Variants in CNKSR3 observed in about 807,000 individuals in gnomAD.
The protein encoded by CNKSR3 is connector enhancer of kinase suppressor of ras 3.
CNKSR3 carries 36 observed loss-of-function variants against 67.7 expected under a neutral mutation model. The ratio of observed to expected loss-of-function variants is 0.53; its 90% CI spans 0.41 to 0.70. The LOEUF is 0.70. CNKSR3 is among the 30% of genes least tolerant of loss of function. The probability of loss-of-function intolerance (pLI) is 0.00; values close to 1 mark genes in which losing one functional copy is unlikely to be tolerated. For synonymous variants in CNKSR3, 281 were observed against 271.4 expected (o/e 1.04, Z -0.35); for missense variants, 630 against 695.2 (o/e 0.91, Z 1.05).
intron 1 of CNKSR3, among the ~76,000 whole-genome samples, chr6:154,502,588 T>C (rs888440906): frequency 6.6e-6 from 1 of 152,136 alleles, no homozygotes; most frequent in Admixed American, 6.6e-5. Context: ...CAGAAGCCTG[T>C]GAGGCCTGGT....
intron 1 of CNKSR3, among the ~76,000 whole-genome samples, chr6:154,479,180 A>G (rs1786515131): frequency 6.6e-6 from 1 of 151,948 alleles, no homozygotes; most frequent in Non-Finnish European, 1.5e-5. Context: ...GCCAGGACTC[A>G]AGACAAATGG....
chr6:154,493,894 C>G (rs1786828844), intron 1 of CNKSR3, among the ~76,000 whole-genome samples: 1 of 152,154 alleles, frequency 6.6e-6, no homozygotes, highest in East Asian at 1.9e-4. Flanking sequence ...CCTCCTCCAA[C>G]ATTAAGGATC....
In CNKSR3 at chr6:154,387,786, G is replaced by A. The variant is rs1043419118; in HGVS notation, c.*18568C>T. The A allele has an allele frequency of 6.6e-6, 1 of 152,120 alleles. No individual in the cohort carries two copies. Among genetic ancestry groups the A allele is most frequent in the Non-Finnish European group, 1.5e-5 (1 of 68,026 alleles). 9.4% of individuals were successfully genotyped at this position (152,120 alleles called of 1,614,324 possible). On this transcript the variant is annotated 3_prime_UTR_variant, in exon 13 of 13. Coordinates refer to ENST00000607772, the MANE Select transcript of CNKSR3 (RefSeq NM_173515.4). ...TCAGGCCTTATTTAAAAAGAAAAAT[G>A]TTCTATCATCAAATGTATTATGCAT...
At chr6:154,477,319 ATTAT>A (rs770765695) in intron 1 of CNKSR3, among the ~76,000 whole-genome samples, 90 of 151,476 alleles carry the variant, frequency 5.9e-4, no homozygotes, top group African/African-American at 1.2e-3. Flanking sequence ...TTTTATTTTT[ATTAT>A]TTATTTATTT....
intron 12 of CNKSR3, among the ~76,000 whole-genome samples, chr6:154,408,258 C>T (rs1211165746): frequency 3.9e-5 from 6 of 152,138 alleles, no homozygotes; most frequent in Non-Finnish European, 7.3e-5. Context: ...CTGCTGACCT[C>T]GTGATCCGCC....
chr6:154,460,048 C>A (rs1431235073), intron 1 of CNKSR3, among the ~76,000 whole-genome samples: 1 of 152,240 alleles, frequency 6.6e-6, no homozygotes, highest in Non-Finnish European at 1.5e-5. Context: ...AGCCTGCCCC[C>A]ACCCCCTCCT....
chr6:154,441,223 C>T, intron 4 of CNKSR3, 69 bp downstream of exon 4: 2 of 1,163,410 alleles, frequency 1.7e-6, no homozygotes, highest in Non-Finnish European at 2.4e-6. Context: ...CATGAAAATC[C>T]TTTCAAGAAG....
chr6:154,502,034 A>T (rs567143981), intron 1 of CNKSR3, among the ~76,000 whole-genome samples: 1 of 152,344 alleles, frequency 6.6e-6, no homozygotes, highest in South Asian at 2.1e-4. Context: ...AAATAAAAAT[A>T]TCCCAATTAC....
In CNKSR3 at chr6:154,414,293, A is replaced by G; in HGVS notation, c.1070+6T>C. ...AAGCATACCATGACAATGGACAGCA[A>G]CATACCGGGGAGAGTAGGGAACAGC... On this transcript the variant is annotated splice_donor_region_variant and intron_variant, in intron 10 of 12. Coordinates refer to ENST00000607772, the MANE Select transcript of CNKSR3 (RefSeq NM_173515.4). 2 of 1,583,306 alleles carry G rather than the reference A, an allele frequency of 1.3e-6. No homozygotes were observed. Among genetic ancestry groups the G allele is most frequent in the Non-Finnish European group, 1.7e-6 (2 of 1,168,744 alleles).
chr6:154,448,434 C>CAAAAAAAAAAAAAAAAAAAAA (rs56872694), intron 2 of CNKSR3, among the ~76,000 whole-genome samples: 1 of 121,768 alleles, frequency 8.2e-6, no homozygotes, highest in Non-Finnish European at 1.7e-5. Context: ...CACGTTTGTA[C>CAAAAAAAAAAAAAAAAAAAAA]AAAAAAAAAA....
intron 1 of CNKSR3, among the ~76,000 whole-genome samples, chr6:154,488,043 A>C (rs1466874950): frequency 6.6e-6 from 1 of 152,232 alleles, no homozygotes; most frequent in Non-Finnish European, 1.5e-5. Context: ...ACAGTATGTC[A>C]CTCTCACTAT....
At chr6:154,509,424 C>T (rs1426347937) in intron 1 of CNKSR3, among the ~76,000 whole-genome samples, 1 of 152,036 alleles carries the variant, frequency 6.6e-6, no homozygotes. Context: ...CCTGAAAATG[C>T]AGCGCCACCG....
At position 154,441,242 on chromosome 6, in the gene CNKSR3, C is replaced by CAAA. The variant is rs34887626; in HGVS notation, c.507+47_507+49dup. The CAAA allele has an allele frequency of 1.2e-3, 1,008 of 846,390 alleles. 8 individuals are homozygous for CAAA. Among genetic ancestry groups the CAAA allele is most frequent in the African/African-American group, 3.1e-3 (141 of 45,156 alleles). The allele number at this position is 846,390 out of a possible 1,614,324, so 52.4% of individuals were successfully genotyped here. ...AAAATCCTTTCAAGAAGAGGAAAAG[C>CAAA]AAAAAAAAAAAAAAAAAAAAAAAGA... is the stretch of plus-strand genomic sequence containing the variant. On this transcript the variant is annotated intron_variant, in intron 4 of 12. Transcript: ENST00000607772.
intron 9 of CNKSR3, among the ~76,000 whole-genome samples, chr6:154,421,725 C>T (rs1457408348): frequency 1.3e-5 from 2 of 152,138 alleles, no homozygotes; most frequent in Non-Finnish European, 2.9e-5. Context: ...CTGCACTCAC[C>T]GCCCCCAACC....
chr6:154,510,000 C>G, intron 1 of CNKSR3, 63 bp downstream of exon 1: 1 of 1,580,064 alleles, frequency 6.3e-7, no homozygotes. Context: ...CCCTCTTCCC[C>G]AGCTCCTCGT....
intron 1 of CNKSR3, among the ~76,000 whole-genome samples, chr6:154,471,134 A>G (rs1786321918): frequency 6.6e-6 from 1 of 152,236 alleles, no homozygotes; most frequent in South Asian, 2.1e-4. Context: ...CAGTCATTCA[A>G]GTACTACCCT....
intron 1 of CNKSR3, among the ~76,000 whole-genome samples, chr6:154,490,811 C>T (rs1460461979): frequency 6.6e-6 from 1 of 152,142 alleles, no homozygotes; most frequent in Non-Finnish European, 1.5e-5. Context: ...GACAGAGCTA[C>T]CTCCTGCTCA....
rs1785218718 is a variant in CNKSR3 at position 154,424,670 on chromosome 6, T to C, written c.730-1687A>G. On this transcript the variant is annotated intron_variant, in intron 7 of 12. Coordinates refer to ENST00000607772, the MANE Select transcript of CNKSR3 (RefSeq NM_173515.4). ...CATACAAGGCCCTGGTAACTGTGAG[T>C]TATTTGTGAAAACATTTAACCTGCT... Among the ~76,000 whole-genome samples, 4 of 152,120 alleles carry C rather than the reference T, an allele frequency of 2.6e-5. No individual in the cohort carries two copies. The South Asian group carries it at 8.3e-4, about 32-fold the overall frequency.
chr6:154,434,574 T>G (rs1005409694), intron 4 of CNKSR3, among the ~76,000 whole-genome samples: 1 of 152,208 alleles, frequency 6.6e-6, no homozygotes, highest in East Asian at 1.9e-4. Flanking sequence ...ATAATCAGAC[T>G]TTTATTGTCT....
Sources: gnomAD v4.1 joint callset for allele counts (sites outside exome capture counted in the v4.1 genomes callset) on GRCh38, gnomAD v4.1.1 for gene constraint, MANE v1.5 for transcripts, NCBI Gene and HGNC (gene_info 2026-07-23, HGNC 2026-07-21) for gene names.